Variants in CACNA2D3 observed in about 807,000 individuals in gnomAD.
CACNA2D3 encodes calcium voltage-gated channel auxiliary subunit alpha2delta 3.
In CACNA2D3, 60 loss-of-function variants were observed where a neutral mutation model predicts 160.6. The observed-to-expected ratio is 0.37, with a 90% CI of 0.30 to 0.46. The LOEUF is 0.46. Among genes scored for constraint, CACNA2D3 ranks in the 20% least tolerant of loss-of-function variants. The pLI is 1.00. For missense variants in CACNA2D3, 1,205 were observed against 1,365.0 expected (o/e 0.88, Z 1.85); for synonymous variants, 558 against 492.9 (o/e 1.13, Z -1.75).
intron 11 of CACNA2D3, among the ~76,000 whole-genome samples, chr3:54,691,000 G>A (rs1700560373): frequency 6.6e-6 from 1 of 152,098 alleles, no homozygotes; most frequent in Non-Finnish European, 1.5e-5. Flanking sequence ...AAGGAAGTAT[G>A]AAGTTTTTTG....
intron 11 of CACNA2D3, among the ~76,000 whole-genome samples, chr3:54,739,430 A>C (rs1413068955): frequency 6.7e-6 from 1 of 149,736 alleles, no homozygotes. Flanking sequence ...TGTCTCAAAA[A>C]AAAAAAAAAA....
intron 2 of CACNA2D3, among the ~76,000 whole-genome samples, chr3:54,301,257 AAAAC>A (rs1314336786): frequency 6.1e-5 from 9 of 148,132 alleles, no homozygotes; most frequent in Middle Eastern, 3.4e-3. Context: ...ATCCTGTCTC[AAAAC>A]AAACAAACAA....
chr3:54,177,039 A>T (rs1301849317), intron 2 of CACNA2D3, among the ~76,000 whole-genome samples: 1 of 152,196 alleles, frequency 6.6e-6, no homozygotes, highest in African/African-American at 2.4e-5. Flanking sequence ...CAGCTGTATC[A>T]AATGTGTGTG....
At chr3:54,721,777 A>G (rs1430689926) in intron 11 of CACNA2D3, among the ~76,000 whole-genome samples, 1 of 148,788 alleles carries the variant, frequency 6.7e-6, no homozygotes, top group African/African-American at 2.4e-5. Context: ...AAAAAAAAAA[A>G]AAGAAAAGAA....
chr3:54,721,560 A>G (rs560688246), intron 11 of CACNA2D3, among the ~76,000 whole-genome samples: 1 of 152,194 alleles, frequency 6.6e-6, no homozygotes, highest in South Asian at 2.1e-4. Flanking sequence ...CAGGAGTTCG[A>G]GACCAGCCTG....
intron 17 of CACNA2D3, among the ~76,000 whole-genome samples, chr3:54,849,856 G>A (rs995778047): frequency 6.6e-5 from 10 of 152,170 alleles, no homozygotes; most frequent in Non-Finnish European, 7.3e-5. Context: ...TACAGCCAGA[G>A]GAAAGAGGTG....
chr3:54,417,155 G>A (rs956470300), intron 4 of CACNA2D3, among the ~76,000 whole-genome samples: 11 of 152,202 alleles, frequency 7.2e-5, no homozygotes, highest in African/African-American at 2.2e-4. Context: ...TACTTCTAAC[G>A]TTATCATCTT....
chr3:54,831,799 C>A (rs1465108586), intron 14 of CACNA2D3, among the ~76,000 whole-genome samples: 1 of 151,974 alleles, frequency 6.6e-6, no homozygotes, highest in Non-Finnish European at 1.5e-5. Flanking sequence ...CTGCCTAGGT[C>A]ATTTATGGCC....
chr3:54,546,499 A>T (rs1297551629), intron 5 of CACNA2D3, among the ~76,000 whole-genome samples: 1 of 152,132 alleles, frequency 6.6e-6, no homozygotes, highest in East Asian at 1.9e-4. Context: ...AACACTTTGG[A>T]GGGCTGGTGT....
At chr3:54,792,628 T>C (rs1256096453) in intron 13 of CACNA2D3, among the ~76,000 whole-genome samples, 2 of 152,154 alleles carry the variant, frequency 1.3e-5, no homozygotes, top group African/African-American at 2.4e-5. Flanking sequence ...AAGATCGTCA[T>C]CAGCAGCTCC....
In CACNA2D3 at chr3:54,973,415, T is replaced by G. The variant is rs184889443; in HGVS notation, c.2556+3571T>G. ...TGGAAGGTGAGAAGGTGTCTCCTAC[T>G]GAGGCATTGGAAGAGGTGTGACGGC... On this transcript the variant is annotated intron_variant, in intron 29 of 37. Transcript: ENST00000474759. Among the ~76,000 whole-genome samples, 47 of 152,292 alleles carry G rather than the reference T, an allele frequency of 3.1e-4. 1 individual carries two copies. Among genetic ancestry groups the G allele is most frequent in the Admixed American group, 2.8e-3 (43 of 15,296 alleles).
intron 14 of CACNA2D3, among the ~76,000 whole-genome samples, chr3:54,822,787 T>C (rs200277481): frequency 0.032 from 2,223 of 70,026 alleles, 85 homozygotes; most frequent in African/African-American, 0.082. Context: ...TCTTTCTTTC[T>C]TTCCTTTCTT....
At chr3:54,227,143 A>G (rs1179228053) in intron 2 of CACNA2D3, among the ~76,000 whole-genome samples, 1 of 152,184 alleles carries the variant, frequency 6.6e-6, no homozygotes, top group Non-Finnish European at 1.5e-5. Context: ...CATGAATAGA[A>G]CAGTACAAAT....
intron 30 of CACNA2D3, among the ~76,000 whole-genome samples, chr3:54,985,965 G>A (rs2107105221): frequency 6.6e-6 from 1 of 152,260 alleles, no homozygotes; most frequent in East Asian, 1.9e-4. Flanking sequence ...AGGATGAATG[G>A]GCCCATGAAA....
chr3:54,234,065 G>A (rs568033698), intron 2 of CACNA2D3, among the ~76,000 whole-genome samples: 18 of 152,192 alleles, frequency 1.2e-4, no homozygotes, highest in Admixed American at 1.1e-3. Context: ...TATCAAAAGA[G>A]AAAACAGACA....
intron 8 of CACNA2D3, among the ~76,000 whole-genome samples, chr3:54,576,255 G>C (rs1702580393): frequency 6.6e-6 from 1 of 152,112 alleles, no homozygotes; most frequent in Admixed American, 6.6e-5. Flanking sequence ...GTTATCCAGA[G>C]CCCAAAGTCA....
At chr3:54,730,943 G>C (rs1701372295) in intron 11 of CACNA2D3, among the ~76,000 whole-genome samples, 2 of 152,158 alleles carry the variant, frequency 1.3e-5, no homozygotes, top group Admixed American at 1.3e-4. Context: ...TTTCTAATTT[G>C]AAACTGTCAA....
At chr3:55,045,341 C>T (rs749777962) in intron 35 of CACNA2D3, among the ~76,000 whole-genome samples, 6 of 152,160 alleles carry the variant, frequency 3.9e-5, no homozygotes, top group Non-Finnish European at 8.8e-5. Context: ...TGAGCCACCG[C>T]GTCAAGCCTA....
intron 2 of CACNA2D3, among the ~76,000 whole-genome samples, chr3:54,134,901 C>T (rs1246706433): frequency 6.6e-6 from 1 of 152,238 alleles, no homozygotes; most frequent in Non-Finnish European, 1.5e-5. Context: ...TGCGGGAGCA[C>T]CGCAGTGCAG....
Sources: gnomAD v4.1 joint callset for allele counts (sites outside exome capture counted in the v4.1 genomes callset) on GRCh38, gnomAD v4.1.1 for gene constraint, MANE v1.5 for transcripts, NCBI Gene and HGNC (gene_info 2026-07-23, HGNC 2026-07-21) for gene names.